Variants in RIC3 observed in about 807,000 individuals in gnomAD.
RIC3 encodes RIC3 acetylcholine receptor chaperone.
Under a neutral mutation model 27.3 loss-of-function variants are expected in RIC3, and 28 were observed. That is an observed-to-expected ratio of 1.02 (90% CI 0.76 to 1.41). The LOEUF (loss-of-function observed/expected upper bound fraction) is 1.41. RIC3 is among the 40% of genes most tolerant of loss of function. RIC3 has a pLI of 0.00. For missense variants in RIC3, 501 were observed against 444.7 expected, an observed-to-expected ratio of 1.13 and a Z score of -1.14; for synonymous variants, 184 against 160.4, an observed-to-expected ratio of 1.15 and a Z score of -1.11.
chr11:8,139,822 T>C (rs1565055906), intron 2 of RIC3, 145 bp downstream of exon 2: 2 of 706,144 alleles, frequency 2.8e-6, no homozygotes, highest in East Asian at 2.7e-5. Context: ...CTATCCTAAG[T>C]ACCTCATGAA....
intron 4 of RIC3, among the ~76,000 whole-genome samples, chr11:8,136,336 CA>C (rs1175034227): frequency 6.6e-6 from 1 of 152,198 alleles, no homozygotes; most frequent in Non-Finnish European, 1.5e-5. Flanking sequence ...AGTGTGCTCA[CA>C]AAGATGCAGG....
chr11:8,162,768 C>G (rs890515082), intron 1 of RIC3, among the ~76,000 whole-genome samples: 1 of 151,182 alleles, frequency 6.6e-6, no homozygotes, highest in African/African-American at 2.4e-5. Flanking sequence ...GCTTCAGCCT[C>G]CCAAGTAGCT....
chr11:8,140,012 G>C lies in RIC3; in HGVS notation c.306C>G (p.Ile102Met). 1 of 1,614,012 alleles carries C rather than the reference G, an allele frequency of 6.2e-7. No individual in the cohort carries two copies. Among genetic ancestry groups the C allele is most frequent in the Non-Finnish European group, 8.5e-7 (1 of 1,180,020 alleles). ...TATATAAAAAAATCCCAAAACCGTA[G>C]ATTGGAATAATCTGCCCCATCAGAC... ...GRGLMGQIIPIYGFGIFLYIL... is the reference protein window; with the variant it reads ...GRGLMGQIIPMYGFGIFLYIL... The change falls in exon 2 of 6, where the codon ATC (isoleucine) becomes ATG (methionine). Residue 102 changes from isoleucine (I) to methionine (M), a missense_variant. Coordinates refer to ENST00000309737, the MANE Select transcript of RIC3 (RefSeq NM_001206671.4).
rs369515541 is a variant in RIC3 at position 8,168,993 on chromosome 11, T to C, written c.-4A>G. 6 of 1,568,296 alleles carry C rather than the reference T, an allele frequency of 3.8e-6. No homozygotes were observed. The highest frequency in any genetic ancestry group is 4.3e-6 in the Non-Finnish European group (5 of 1,161,712). On this transcript the variant is annotated 5_prime_UTR_variant, in exon 1 of 6. Transcript: ENST00000309737. ...TCTGCACTGTGGAGTACGCCATGAC[T>C]GCTCACGGTGGTCGCAGGTGCAGAC...
chr11:8,151,585 C>CAAAAAA lies in RIC3; in HGVS notation c.125-11398_125-11393dup, dbSNP rs60087055. Reference sequence around the variant, plus strand: ...TGGGCGACAGAGTGAAACTCCGTCTCAAAAAAAAAAAAAAGACAAATAAAC... The same window carrying CAAAAAA: ...TGGGCGACAGAGTGAAACTCCGTCTCAAAAAAAAAAAAAAAAAAAAGACAAATAAAC... On this transcript the variant is annotated intron_variant, in intron 1 of 5. Transcript: ENST00000309737. Among the ~76,000 whole-genome samples, 126 of 61,680 alleles carry CAAAAAA rather than the reference C, an allele frequency of 2.0e-3. 4 individuals carry two copies. Among genetic ancestry groups the CAAAAAA allele is most frequent in the Non-Finnish European group, 2.7e-3 (100 of 37,354 alleles). The allele number at this position is 61,680 out of a possible 152,430, so 40.5% of individuals were successfully genotyped here. A position where few individuals can be genotyped will look rare whatever the true frequency, so the allele number is the denominator to read the frequency against.
chr11:8,100,988 G>A, the RIC3 span: 2 of 1,614,156 alleles, frequency 1.2e-6, no homozygotes, highest in Non-Finnish European at 1.7e-6. Context: ...GATCATCCAT[G>A]GCAATGACCG....
intron 1 of RIC3, among the ~76,000 whole-genome samples, chr11:8,148,144 C>G (rs1949898778): frequency 6.6e-6 from 1 of 152,190 alleles, no homozygotes; most frequent in African/African-American, 2.4e-5. Flanking sequence ...CAGCCAAGCT[C>G]CACTCCAGTG....
the RIC3 span, chr11:8,100,813 G>A: frequency 6.2e-7 from 1 of 1,613,210 alleles, no homozygotes; most frequent in South Asian, 1.1e-5. Context: ...CTCAGGTGAG[G>A]CTGCCCTCCC....
At chr11:8,161,864 G>A (rs561719576) in intron 1 of RIC3, among the ~76,000 whole-genome samples, 1 of 151,836 alleles carries the variant, frequency 6.6e-6, no homozygotes, top group Non-Finnish European at 1.5e-5. Context: ...CCGGGCAATG[G>A]AATGTGAGGA....
intron 1 of RIC3, among the ~76,000 whole-genome samples, chr11:8,153,136 G>A (rs1402180627): frequency 6.6e-6 from 1 of 152,132 alleles, no homozygotes; most frequent in Non-Finnish European, 1.5e-5. Flanking sequence ...AGACAGAAGA[G>A]GGATTTGGAG....
intron 4 of RIC3, 117 bp downstream of exon 4, chr11:8,137,261 T>A: frequency 2.5e-6 from 2 of 785,530 alleles, no homozygotes; most frequent in South Asian, 3.2e-5. Context: ...TGACCTCAGA[T>A]GATCCACCCA....
chr11:8,100,680 G>A, the RIC3 span: 11 of 1,510,192 alleles, frequency 7.3e-6, no homozygotes, highest in Non-Finnish European at 1.0e-5. Flanking sequence ...AACTCCAGCT[G>A]ATGTGTGTAT....
chr11:8,100,573 A>G, the RIC3 span: 14 of 1,614,046 alleles, frequency 8.7e-6, 1 homozygote, highest in Admixed American at 2.0e-4. Flanking sequence ...AACATGGTTC[A>G]TGAGAGAGTC....
chr11:8,101,908 G>A (rs567473331), downstream of RIC3: 38 of 399,392 alleles, frequency 9.5e-5, no homozygotes, highest in Middle Eastern at 6.9e-4. Flanking sequence ...TGTTGTAGTC[G>A]TACTTACCAA....
chr11:8,132,310 A>G (rs79610562), intron 4 of RIC3, among the ~76,000 whole-genome samples: 536 of 152,344 alleles, frequency 3.5e-3, no homozygotes, highest in Non-Finnish European at 5.6e-3. Context: ...TCTAGCATGT[A>G]GTCACTCTAT....
chr11:8,127,157 G>C (rs538540887), intron 4 of RIC3, among the ~76,000 whole-genome samples: 38 of 152,208 alleles, frequency 2.5e-4, no homozygotes, highest in Non-Finnish European at 5.1e-4. Flanking sequence ...CAATTTCACT[G>C]CTACTCACAT....
chr11:8,140,135 C>G lies in RIC3; in HGVS notation c.183G>C (p.Gln61His). ...ACCTCTGGAAACGAGCCCCAGGAGT[C>G]TGGCCATCTGAGGGTGCCTGGTGAT... ...MHHHQAPSDGQTPGARFQRSH... is the reference protein window; with the variant it reads ...MHHHQAPSDGHTPGARFQRSH... The change falls in exon 2 of 6, where the codon CAG becomes CAC. Residue 61 changes from glutamine to histidine, a missense_variant. By Grantham distance (24) the Gln-to-His change is conservative. Transcript: ENST00000309737. 6.2e-7 allele frequency: 1 copy of G among 1,614,134 alleles called. No individual in the cohort carries two copies. The highest frequency in any genetic ancestry group is 8.5e-7 in the Non-Finnish European group (1 of 1,180,028).
intron 1 of RIC3, among the ~76,000 whole-genome samples, chr11:8,168,082 G>A (rs1328435611): frequency 6.6e-6 from 1 of 152,180 alleles, no homozygotes; most frequent in African/African-American, 2.4e-5. Context: ...GATATTACAA[G>A]GATAATTTAC....
chr11:8,094,941 C>G, the RIC3 span, among the ~76,000 whole-genome samples: 1 of 152,350 alleles, frequency 6.6e-6, no homozygotes, highest in Admixed American at 6.5e-5. Flanking sequence ...GCTTCTGTTG[C>G]TGAAGCTCTG....
Sources: allele counts gnomAD v4.1 joint callset (sites outside exome capture counted in the v4.1 genomes callset), GRCh38; gene constraint gnomAD v4.1.1; transcripts MANE v1.5; gene names NCBI Gene and HGNC (gene_info 2026-07-23, HGNC 2026-07-21).